The following PCDH11X variants were observed in gnomAD, a reference collection of about 807,000 sequenced individuals.
PCDH11X encodes the protein protocadherin 11 X-linked, also known as protocadherin-11 X-linked.
A neutral mutation model predicts 53.3 loss-of-function variants in PCDH11X; 18 were observed. The ratio of observed to expected loss-of-function variants is 0.34; its 90% CI spans 0.23 to 0.50. The LOEUF (loss-of-function observed/expected upper bound fraction) is 0.50, where lower values mean the gene tolerates loss of function less well. Ranked by LOEUF, PCDH11X falls within the 20% of genes least tolerant of loss-of-function variation. PCDH11X has a pLI of 0.98. For missense variants in PCDH11X, 570 were observed against 1,032.4 expected, an observed-to-expected ratio of 0.55 and a Z score of 6.14; for synonymous variants, 279 against 393.3, an observed-to-expected ratio of 0.71 and a Z score of 3.44.
intron 6 of PCDH11X, among the ~76,000 whole-genome samples, chrX:92,036,710 G>A (rs1383421731): frequency 2.7e-5 from 3 of 111,409 alleles, no homozygotes; most frequent in South Asian, 3.8e-4. Context: ...AAAGATACCC[G>A]AAAATGTGGA....
At chrX:92,268,808 T>A (rs2067889454) in intron 8 of PCDH11X, among the ~76,000 whole-genome samples, 1 of 112,116 alleles carries the variant, frequency 8.9e-6, no homozygotes, top group Non-Finnish European at 1.9e-5. Context: ...GTGTCATGCT[T>A]GTTCAAGACT....
chrX:91,780,843 G>A (rs1411106406), intron 1 of PCDH11X, among the ~76,000 whole-genome samples: 2 of 113,020 alleles, frequency 1.8e-5, no homozygotes, highest in African/African-American at 6.4e-5. Flanking sequence ...AAGGACTGAG[G>A]GGTAGGAGGA....
chrX:92,020,246 G>A (rs2062862239), intron 6 of PCDH11X, among the ~76,000 whole-genome samples: 1 of 112,574 alleles, frequency 8.9e-6, no homozygotes, highest in Admixed American at 9.4e-5. Context: ...GCTCCTTGTG[G>A]GAGGGGTGGC....
At position 92,573,236 on chromosome X, in the gene PCDH11X, T is replaced by C. The variant is rs151071786; in HGVS notation, c.3368-45028T>C. Among the ~76,000 whole-genome samples the C allele has an allele frequency of 2.9e-3, 321 of 111,564 alleles. 6 individuals are homozygous for C. Among genetic ancestry groups the C allele is most frequent in the East Asian group, 0.023 (80 of 3,519 alleles). On this transcript the variant is annotated intron_variant, in intron 10 of 10. Transcript: ENST00000682573. ...TTGGTTTTCTATTCTGTAATATTAC[T>C]AGATGACCCCTTAGGTGTCTTCAGT...
intron 9 of PCDH11X, among the ~76,000 whole-genome samples, chrX:92,451,127 T>G (rs2148646720): frequency 9.1e-6 from 1 of 110,341 alleles, no homozygotes; most frequent in Non-Finnish European, 1.9e-5. Flanking sequence ...ACTTAATTTT[T>G]GATCATTCTA....
At chrX:92,282,221 G>A (rs1422396317) in intron 8 of PCDH11X, among the ~76,000 whole-genome samples, 2 of 111,329 alleles carry the variant, frequency 1.8e-5, no homozygotes, top group Non-Finnish European at 3.8e-5. Context: ...TGTAAAAATA[G>A]CTAATAAATG....
chrX:92,108,048 G>A (rs5984149), intron 6 of PCDH11X, among the ~76,000 whole-genome samples: 1,479 of 112,310 alleles, frequency 0.013, 19 homozygotes, highest in African/African-American at 0.045. Context: ...GACAAGCTGA[G>A]TGAAGATAAT....
intron 6 of PCDH11X, among the ~76,000 whole-genome samples, chrX:92,181,221 C>T (rs756021823): frequency 9.0e-6 from 1 of 111,471 alleles, no homozygotes; most frequent in East Asian, 2.8e-4. Flanking sequence ...AGCAAAGAGA[C>T]TGGCAGCATT....
chrX:92,000,500 G>A (rs993071625), intron 6 of PCDH11X, among the ~76,000 whole-genome samples: 2 of 104,521 alleles, frequency 1.9e-5, no homozygotes, highest in African/African-American at 6.9e-5. Context: ...TTTGATACAG[G>A]CATGCAATGT....
chrX:92,427,832 A>C, intron 9 of PCDH11X, among the ~76,000 whole-genome samples: 1 of 50,668 alleles, frequency 2.0e-5, no homozygotes, highest in Non-Finnish European at 3.5e-5. Flanking sequence ...ATAAATGAAG[A>C]CATGACATAT....
chrX:92,489,288 A>G (rs1203497150), intron 10 of PCDH11X, among the ~76,000 whole-genome samples: 1 of 109,590 alleles, frequency 9.1e-6, no homozygotes, highest in African/African-American at 3.3e-5. Context: ...CAAGGCATGG[A>G]GGTATATTTC....
At chrX:92,570,058 T>C (rs1480177371) in intron 10 of PCDH11X, among the ~76,000 whole-genome samples, 1 of 103,408 alleles carries the variant, frequency 9.7e-6, no homozygotes, top group Admixed American at 1.1e-4. Context: ...AGAAAGTATA[T>C]GTTTGTTGAA....
In PCDH11X at chrX:92,007,516, C is replaced by T. The variant is rs2062620914; in HGVS notation, c.3033+128243C>T. On this transcript the variant is annotated intron_variant, in intron 6 of 10. Transcript: ENST00000682573. ...TCACCCTTCAGGGCAATGGCCTCTC[C>T]TCTGACTCAGGTCAGGTCCAGAAAT... 2.7e-5 allele frequency among the ~76,000 whole-genome samples: 3 copies of T among 111,618 alleles called. No homozygotes were observed. The South Asian group carries it at 1.1e-3, about 42-fold the overall frequency.
At chrX:91,828,990 A>C (rs1937016762) in intron 4 of PCDH11X, among the ~76,000 whole-genome samples, 1 of 110,050 alleles carries the variant, frequency 9.1e-6, no homozygotes, top group Non-Finnish European at 1.9e-5. Context: ...ACTGCATTGT[A>C]ATTTGATAAT....
intron 10 of PCDH11X, among the ~76,000 whole-genome samples, chrX:92,597,143 CACT>C (rs1925708165): frequency 9.0e-6 from 1 of 111,225 alleles, no homozygotes. Context: ...CCATTTTCAC[CACT>C]GTTATTCAAT....
Position 92,246,085 on chromosome X carries a change from A to G in PCDH11X, c.3115-17029A>G, listed in dbSNP as rs189040283. Among the ~76,000 whole-genome samples, 387 of 111,548 alleles carry G rather than the reference A, an allele frequency of 3.5e-3. 4 individuals carry two copies. Among genetic ancestry groups the G allele is most frequent in the African/African-American group, 0.012 (374 of 30,725 alleles). On this transcript the variant is annotated intron_variant, in intron 7 of 10. Coordinates refer to ENST00000682573, the MANE Select transcript of PCDH11X (RefSeq NM_032968.5). The stretch of plus-strand genomic sequence containing the variant: ...AACACTAAAATTAATTCAAATGCCT[A>G]TACTGTAGAAACATATCGGAATGTT...
intron 10 of PCDH11X, among the ~76,000 whole-genome samples, chrX:92,521,503 G>C (rs2074369851): frequency 8.9e-6 from 1 of 111,937 alleles, no homozygotes; most frequent in Non-Finnish European, 1.9e-5. Context: ...TCCATTTATA[G>C]AGTTCAGGCT....
chrX:92,135,571 C>T (rs953122450), intron 6 of PCDH11X, among the ~76,000 whole-genome samples: 6 of 111,030 alleles, frequency 5.4e-5, no homozygotes, highest in African/African-American at 2.0e-4. Context: ...AAATATGTCC[C>T]TCAAGTGCTG....
chrX:92,440,199 A>G (rs2072481497), intron 9 of PCDH11X, among the ~76,000 whole-genome samples: 1 of 108,050 alleles, frequency 9.3e-6, no homozygotes, highest in Non-Finnish European at 1.9e-5. Context: ...CAGGGAGTAC[A>G]TGTGCAGTAT....
Sources: allele counts gnomAD v4.1 joint callset (sites outside exome capture counted in the v4.1 genomes callset), GRCh38; gene constraint gnomAD v4.1.1; transcripts MANE v1.5; gene names NCBI Gene and HGNC (gene_info 2026-07-23, HGNC 2026-07-21).